The following AFG2A variants were observed in gnomAD, a reference collection of about 807,000 sequenced individuals.
AFG2A encodes the protein ATPase family gene 2 protein homolog A.
At chr4:123,150,887 AC>A in the AFG2A span, among the ~76,000 whole-genome samples, 2 of 152,222 alleles carry the variant, frequency 1.3e-5, no homozygotes, top group Non-Finnish European at 2.9e-5. Flanking sequence ...GGCTACAGTA[AC>A]CAAAGCAGCA....
chr4:123,293,707 C>G, the AFG2A span, among the ~76,000 whole-genome samples: 1 of 152,168 alleles, frequency 6.6e-6, no homozygotes, highest in African/African-American at 2.4e-5. Flanking sequence ...CAAGGCAGTG[C>G]CCTCAAGAAG....
At chr4:122,929,711 A>AAT in the AFG2A span, among the ~76,000 whole-genome samples, 1 of 150,362 alleles carries the variant, frequency 6.7e-6, no homozygotes, top group South Asian at 2.1e-4. Flanking sequence ...AGAAAAAAAA[A>AAT]GTTACCAATA....
At chr4:123,131,911 G>GTTAATAACATTTTGTATT in the AFG2A span, among the ~76,000 whole-genome samples, 1 of 151,726 alleles carries the variant, frequency 6.6e-6, no homozygotes. Flanking sequence ...ATTTTCCACA[G>GTTAATAACATTTTGTATT]CAGCTGCACC....
At chr4:123,203,502 T>A in the AFG2A span, among the ~76,000 whole-genome samples, 1 of 152,186 alleles carries the variant, frequency 6.6e-6, no homozygotes, top group Non-Finnish European at 1.5e-5. Context: ...GGTCTTGAAC[T>A]CCTGACCTCA....
chr4:123,201,576 C>G, the AFG2A span, among the ~76,000 whole-genome samples: 1 of 151,996 alleles, frequency 6.6e-6, no homozygotes, highest in Non-Finnish European at 1.5e-5. Context: ...TTCTTTTAAC[C>G]TTCAAAAATA....
At chr4:123,089,612 T>A in the AFG2A span, among the ~76,000 whole-genome samples, 1 of 152,048 alleles carries the variant, frequency 6.6e-6, no homozygotes, top group East Asian at 1.9e-4. Flanking sequence ...TGGGACAGAA[T>A]CTCACTCTGT....
the AFG2A span, among the ~76,000 whole-genome samples, chr4:123,171,463 C>T: frequency 1.9e-4 from 29 of 152,204 alleles, no homozygotes; most frequent in Admixed American, 8.5e-4. Context: ...AAAAAACATA[C>T]ATACACTTCC....
At chr4:123,017,578 C>T in the AFG2A span, among the ~76,000 whole-genome samples, 2 of 151,840 alleles carry the variant, frequency 1.3e-5, no homozygotes, top group African/African-American at 2.4e-5. Context: ...TATAATTGTT[C>T]TTGACCTTGG....
At chr4:123,188,622 G>A in the AFG2A span, among the ~76,000 whole-genome samples, 40 of 152,158 alleles carry the variant, frequency 2.6e-4, no homozygotes, top group Admixed American at 1.2e-3. Context: ...TATTTCCCCC[G>A]TAGCTTTTTT....
the AFG2A span, among the ~76,000 whole-genome samples, chr4:123,136,125 C>T: frequency 6.6e-6 from 1 of 152,072 alleles, no homozygotes; most frequent in Non-Finnish European, 1.5e-5. Flanking sequence ...AGAAAACATG[C>T]TTTGTATGAT....
chr4:123,018,255 C>T, the AFG2A span, among the ~76,000 whole-genome samples: 1 of 152,114 alleles, frequency 6.6e-6, no homozygotes, highest in Non-Finnish European at 1.5e-5. Flanking sequence ...AGTTATAAAG[C>T]CATATGTGAG....
chr4:122,931,626 T>G, the AFG2A span, among the ~76,000 whole-genome samples: 1 of 152,140 alleles, frequency 6.6e-6, no homozygotes, highest in Non-Finnish European at 1.5e-5. Context: ...TTTAGAAGTG[T>G]TAGAAATGTT....
the AFG2A span, among the ~76,000 whole-genome samples, chr4:123,302,013 TTA>T: frequency 3.3e-5 from 5 of 152,136 alleles, no homozygotes; most frequent in African/African-American, 1.2e-4. Flanking sequence ...GGAGGCAGCT[TTA>T]TGTGTGTGTC....
chr4:123,124,168 G>T, the AFG2A span, among the ~76,000 whole-genome samples: 3 of 151,968 alleles, frequency 2.0e-5, no homozygotes, highest in African/African-American at 4.8e-5. Context: ...AAATCATGCT[G>T]CTATAAAGAC....
At chr4:123,015,506 G>C in the AFG2A span, among the ~76,000 whole-genome samples, 1,824 of 151,904 alleles carry the variant, frequency 0.012, 36 homozygotes, top group African/African-American at 0.041. Flanking sequence ...TGGGGGTAGG[G>C]TCACCGATCA....
the AFG2A span, among the ~76,000 whole-genome samples, chr4:123,298,642 A>T: frequency 2.6e-5 from 4 of 152,192 alleles, no homozygotes; most frequent in Non-Finnish European, 5.9e-5. Flanking sequence ...CCCTTTGCTT[A>T]AAGTTACCCT....
At chr4:123,158,282 T>C in the AFG2A span, among the ~76,000 whole-genome samples, 3,331 of 152,326 alleles carry the variant, frequency 0.022, 67 homozygotes, top group Non-Finnish European at 0.035. Flanking sequence ...TCTATTTCTT[T>C]TGTACATTTA....
chr4:122,971,445 G>A, the AFG2A span, among the ~76,000 whole-genome samples: 1 of 152,170 alleles, frequency 6.6e-6, no homozygotes, highest in African/African-American at 2.4e-5. Context: ...TAGTGTGTAT[G>A]TAAGTTCTTT....
chr4:123,016,676 G>A, the AFG2A span, among the ~76,000 whole-genome samples: 144 of 150,894 alleles, frequency 9.5e-4, 1 homozygote, highest in East Asian at 6.0e-4. Context: ...CGTCCCAGAC[G>A]ATGGGCGGCC....
Sources: gnomAD v4.1 joint callset for allele counts (sites outside exome capture counted in the v4.1 genomes callset) on GRCh38, gnomAD v4.1.1 for gene constraint, MANE v1.5 for transcripts, NCBI Gene and HGNC (gene_info 2026-07-23, HGNC 2026-07-21) for gene names.